The following FARP1 variants were observed in gnomAD, a reference collection of about 807,000 sequenced individuals.
FARP1 encodes the protein FERM, ARHGEF and pleckstrin domain-containing protein 1.
In FARP1, 52 loss-of-function variants were observed where a neutral mutation model predicts 128.8. The ratio of observed to expected loss-of-function variants is 0.40; its 90% CI spans 0.32 to 0.51. The LOEUF is 0.51. Among genes scored for constraint, FARP1 ranks in the 20% least tolerant of loss-of-function variants. The probability of loss-of-function intolerance (pLI) is 0.45; values close to 1 mark genes in which losing one functional copy is unlikely to be tolerated. For synonymous variants in FARP1, 580 were observed against 551.8 expected, an observed-to-expected ratio of 1.05 and a Z score of -0.72; for missense variants, 1,333 against 1,367.9, an observed-to-expected ratio of 0.97 and a Z score of 0.40.
rs140717035 is a variant in FARP1 at position 98,412,879 on chromosome 13, T to C, written c.1826+845T>C. On this transcript the variant is annotated intron_variant, in intron 16 of 26. Coordinates refer to ENST00000319562, the MANE Select transcript of FARP1 (RefSeq NM_005766.4). ...GCATTTGAAAAATGCCAGGAGAAAATAGCAAAAAGTTTTTGGCAGAAATAG... is the reference window on the plus strand; with the variant it reads ...GCATTTGAAAAATGCCAGGAGAAAACAGCAAAAAGTTTTTGGCAGAAATAG... Among the ~76,000 whole-genome samples the C allele has an allele frequency of 3.3e-5, 5 of 152,152 alleles. No homozygotes were observed. The East Asian group carries it at 9.7e-4, about 29-fold the overall frequency.
chr13:98,157,251 C>A (rs1003745084), intron 1 of FARP1, among the ~76,000 whole-genome samples: 2 of 152,198 alleles, frequency 1.3e-5, no homozygotes, highest in Admixed American at 1.3e-4. Flanking sequence ...ACGAGCCTGG[C>A]TGGAAGAAAC....
intron 2 of FARP1, among the ~76,000 whole-genome samples, chr13:98,276,039 C>T (rs562575211): frequency 6.6e-6 from 1 of 152,276 alleles, no homozygotes; most frequent in South Asian, 2.1e-4. Context: ...CTGAGGCATA[C>T]AGGCAGATGG....
chr13:98,227,189 G>A (rs977991297), intron 2 of FARP1, among the ~76,000 whole-genome samples: 6 of 152,088 alleles, frequency 3.9e-5, no homozygotes, highest in African/African-American at 1.2e-4. Context: ...TGATCCGCCC[G>A]CCTTGGCCTC....
chr13:98,184,204 G>A (rs1003402170), intron 1 of FARP1, among the ~76,000 whole-genome samples: 2 of 148,574 alleles, frequency 1.3e-5, no homozygotes, highest in African/African-American at 5.0e-5. Context: ...TGCAACCTCT[G>A]CCTTCTGGGT....
At chr13:98,411,859 T>C (rs1891204821) in intron 15 of FARP1, 42 bp from the exon 16 acceptor site, 13 of 1,604,426 alleles carry the variant, frequency 8.1e-6, no homozygotes, top group Non-Finnish European at 1.0e-5. Context: ...ACACTCGTCA[T>C]TGATCTTTCC....
At chr13:98,356,011 T>C (rs1338109579) in intron 3 of FARP1, among the ~76,000 whole-genome samples, 1 of 152,222 alleles carries the variant, frequency 6.6e-6, no homozygotes, top group Non-Finnish European at 1.5e-5. Context: ...ATACTTGTTT[T>C]ATGGTCCCGA....
At chr13:98,266,277 G>A (rs1477328380) in intron 2 of FARP1, among the ~76,000 whole-genome samples, 2 of 152,126 alleles carry the variant, frequency 1.3e-5, no homozygotes, top group Admixed American at 6.5e-5. Flanking sequence ...CTGAAAAGCC[G>A]CGAGACAGAG....
chr13:98,370,592 TG>T (rs906629670), intron 5 of FARP1, among the ~76,000 whole-genome samples: 1 of 128,682 alleles, frequency 7.8e-6, no homozygotes, highest in African/African-American at 3.1e-5. Flanking sequence ...GAGATGGTGT[TG>T]GGGGTTACTA....
In FARP1 at chr13:98,448,510, CCA is replaced by C. The variant is rs1893005668; in HGVS notation, c.*194_*195del. On this transcript the variant is annotated 3_prime_UTR_variant, in exon 27 of 27. Transcript: ENST00000319562. The stretch of plus-strand genomic sequence containing the variant: ...GTCTGAATGAACAGCGCTCCCACCT[CCA>C]GTCCTGGCATCCGCTGGGGGCGCTG... 1 of 583,872 alleles carries C rather than the reference CCA, an allele frequency of 1.7e-6. No individual in the cohort carries two copies. The highest frequency in any genetic ancestry group is 1.9e-5 in the African/African-American group (1 of 53,482). 36.2% of individuals were successfully genotyped at this position (583,872 alleles called of 1,614,324 possible). A position where few individuals can be genotyped will look rare whatever the true frequency, so the allele number is the denominator to read the frequency against.
intron 2 of FARP1, among the ~76,000 whole-genome samples, chr13:98,265,311 A>ATTTTT (rs60809416): frequency 0.011 from 684 of 60,276 alleles, 118 homozygotes; most frequent in African/African-American, 0.038. Context: ...TCCTTCCTGA[A>ATTTTT]TTTTTTTTTT....
In FARP1 at chr13:98,183,743, C is replaced by T. The variant is rs1878680935; in HGVS notation, c.-23-29477C>T. ...GTGGGGTATGCTGAGGACTGGAAGGCAGGGGTGGGGAGTGTTGTGAAACCT... is the reference window on the plus strand; with the variant it reads ...GTGGGGTATGCTGAGGACTGGAAGGTAGGGGTGGGGAGTGTTGTGAAACCT... On this transcript the variant is annotated intron_variant, in intron 1 of 26. Coordinates refer to ENST00000319562, the MANE Select transcript of FARP1 (RefSeq NM_005766.4). 1.3e-5 allele frequency among the ~76,000 whole-genome samples: 2 copies of T among 152,262 alleles called. 1 individual carries two copies. Among genetic ancestry groups the T allele is most frequent in the Middle Eastern group, 6.8e-3 (2 of 294 alleles).
At chr13:98,427,236 A>G (rs1289690018) in intron 17 of FARP1, among the ~76,000 whole-genome samples, 1 of 151,972 alleles carries the variant, frequency 6.6e-6, no homozygotes, top group Non-Finnish European at 1.5e-5. Flanking sequence ...CCATAGTTTT[A>G]TCTTTCCAGA....
chr13:98,149,878 C>T (rs1275367755), intron 1 of FARP1, among the ~76,000 whole-genome samples: 5 of 151,078 alleles, frequency 3.3e-5, no homozygotes, highest in Admixed American at 6.6e-5. Context: ...GCTGGGTCTA[C>T]AGGCACCCGC....
At chr13:98,341,720 C>G (rs777427638) in intron 2 of FARP1, among the ~76,000 whole-genome samples, 5 of 152,162 alleles carry the variant, frequency 3.3e-5, no homozygotes, top group Non-Finnish European at 7.3e-5. Context: ...AAGATTTGAT[C>G]TATATGGTGG....
At chr13:98,443,337 C>CA (rs1312956736) in intron 24 of FARP1, among the ~76,000 whole-genome samples, 1 of 152,204 alleles carries the variant, frequency 6.6e-6, no homozygotes, top group Non-Finnish European at 1.5e-5. Context: ...GCTGCTCTAT[C>CA]ACTTTGCAGA....
rs115800822 is a variant in FARP1 at position 98,349,190 on chromosome 13, G to A, written c.276+5324G>A. ...GTTGATTCTTAACTTCCTTGATTTTGCACTTCATCTGAGAAATGAGAGGAA... is the reference window on the plus strand; with the variant it reads ...GTTGATTCTTAACTTCCTTGATTTTACACTTCATCTGAGAAATGAGAGGAA... On this transcript the variant is annotated intron_variant, in intron 3 of 26. Coordinates refer to ENST00000319562, the MANE Select transcript of FARP1 (RefSeq NM_005766.4). 7.8e-3 allele frequency among the ~76,000 whole-genome samples: 1,192 copies of A among 152,244 alleles called. 19 individuals carry two copies. Among genetic ancestry groups the A allele is most frequent in the African/African-American group, 0.027 (1,105 of 41,536 alleles).
At chr13:98,343,915 G>C (rs1566900513) in intron 3 of FARP1, 49 bp downstream of exon 3, 1 of 1,249,154 alleles carries the variant, frequency 8.0e-7, no homozygotes. Context: ...GTTCATCTTG[G>C]TGGGGGGCTG....
chr13:98,161,273 T>C (rs1211007871), intron 1 of FARP1, among the ~76,000 whole-genome samples: 1 of 150,604 alleles, frequency 6.6e-6, no homozygotes, highest in Non-Finnish European at 1.5e-5. Context: ...CAGAGTGCAA[T>C]GGTGTGATCT....
At chr13:98,431,349 C>T in intron 18 of FARP1, 69 bp downstream of exon 18, 3 of 1,134,800 alleles carry the variant, frequency 2.6e-6, no homozygotes, top group Non-Finnish European at 1.2e-6. Context: ...CCAGACTGAG[C>T]CCAGCCAGGG....
Sources: gnomAD v4.1 joint callset for allele counts (sites outside exome capture counted in the v4.1 genomes callset) on GRCh38, gnomAD v4.1.1 for gene constraint, MANE v1.5 for transcripts, NCBI Gene and HGNC (gene_info 2026-07-23, HGNC 2026-07-21) for gene names.